MED13L: variants seen among roughly 807,000 people sequenced by gnomAD.
The protein encoded by MED13L is mediator of RNA polymerase II transcription subunit 13-like.
Under a neutral mutation model 220.9 loss-of-function variants are expected in MED13L, and 7 were observed. The observed-to-expected ratio is 0.03, with a 90% CI of 0.02 to 0.06. The LOEUF (loss-of-function observed/expected upper bound fraction) is 0.06. MED13L is among the 10% of genes least tolerant of loss of function. MED13L has a pLI of 1.00. For synonymous variants in MED13L, 1,011 were observed against 1,015.2 expected, an observed-to-expected ratio of 1.00 and a Z score of 0.08; for missense variants, 1,965 against 2,760.5, an observed-to-expected ratio of 0.71 and a Z score of 6.46.
At chr12:116,202,408 A>G (rs1882057829) in intron 2 of MED13L, among the ~76,000 whole-genome samples, 1 of 152,188 alleles carries the variant, frequency 6.6e-6, no homozygotes, top group South Asian at 2.1e-4. Context: ...TTAAAAGATA[A>G]AGAAAAACAC....
chr12:116,083,409 A>G (rs1871367517), intron 4 of MED13L, among the ~76,000 whole-genome samples: 1 of 150,238 alleles, frequency 6.7e-6, no homozygotes, highest in African/African-American at 2.5e-5. Flanking sequence ...CGAGGGAAAA[A>G]AAAAAAAAAA....
At chr12:116,202,765 G>A (rs1019710929) in intron 2 of MED13L, among the ~76,000 whole-genome samples, 9 of 152,142 alleles carry the variant, frequency 5.9e-5, no homozygotes, top group African/African-American at 1.4e-4. Context: ...GGTTCTTCAC[G>A]GTCAGCGTCT....
At chr12:116,123,771 T>G (rs749189989) in intron 2 of MED13L, among the ~76,000 whole-genome samples, 29 of 152,202 alleles carry the variant, frequency 1.9e-4, no homozygotes, top group Non-Finnish European at 3.8e-4. Context: ...TTTCTGTTCT[T>G]GCTACAATAA....
chr12:116,232,111 A>G, intron 2 of MED13L: 3 of 985,404 alleles, frequency 3.0e-6, no homozygotes, highest in Non-Finnish European at 3.6e-6. Context: ...TCTTATGTCT[A>G]ATGTTTTTAC....
chr12:116,198,738 A>G (rs1881812818), intron 2 of MED13L, among the ~76,000 whole-genome samples: 1 of 19,062 alleles, frequency 5.2e-5, no homozygotes, highest in Admixed American at 5.8e-4. Context: ...GATCCAAGAA[A>G]TTCCTCTTAC....
intron 1 of MED13L, among the ~76,000 whole-genome samples, chr12:116,250,358 T>A (rs924912860): frequency 6.8e-6 from 1 of 146,890 alleles, no homozygotes; most frequent in African/African-American, 2.5e-5. Flanking sequence ...ACTAGAATAA[T>A]TTTTTTTTTT....
chr12:116,160,704 C>T (rs1054210722), intron 2 of MED13L, among the ~76,000 whole-genome samples: 1 of 151,940 alleles, frequency 6.6e-6, no homozygotes, highest in South Asian at 2.1e-4. Flanking sequence ...TCCTGAGTAG[C>T]GGGACTGCAG....
At chr12:116,106,858 GAA>G (rs537402839) in intron 3 of MED13L, among the ~76,000 whole-genome samples, 1 of 141,400 alleles carries the variant, frequency 7.1e-6, no homozygotes, top group Non-Finnish European at 1.6e-5. Flanking sequence ...AAAAAAAAGG[GAA>G]AAAAAAAAAA....
At chr12:116,191,041 G>C (rs1016592256) in intron 2 of MED13L, among the ~76,000 whole-genome samples, 1 of 149,870 alleles carries the variant, frequency 6.7e-6, no homozygotes, top group Non-Finnish European at 1.5e-5. Context: ...GCAGTGAGCA[G>C]AGGTTGCACA....
At chr12:115,973,672 A>T (rs1054587500) in intron 25 of MED13L, among the ~76,000 whole-genome samples, 2 of 152,186 alleles carry the variant, frequency 1.3e-5, no homozygotes, top group African/African-American at 4.8e-5. Flanking sequence ...AATAAGATTG[A>T]CTAAAAAAGC....
intron 2 of MED13L, among the ~76,000 whole-genome samples, chr12:116,203,677 G>A (rs1042658061): frequency 2.0e-5 from 3 of 151,906 alleles, no homozygotes; most frequent in Non-Finnish European, 2.9e-5. Flanking sequence ...AAAATTATCC[G>A]GGCATGGTGG....
At chr12:116,148,050 T>TAAAAAAAAAAAAAAAAAAAAAAAAAAAAA in intron 2 of MED13L, among the ~76,000 whole-genome samples, 1 of 13,356 alleles carries the variant, frequency 7.5e-5, no homozygotes, top group South Asian at 2.6e-3. Context: ...AGACCCCATC[T>TAAAAAAAAAAAAAAAAAAAAAAAAAAAAA]CAAAAAAAAA....
Position 116,122,713 on chromosome 12 carries a change from T to C in MED13L, c.311-11201A>G, listed in dbSNP as rs557178757. ...GATTCAAAATTTTAACAGTGTACTA[T>C]CTTCCTAAGGAATCAGCATGGGTTC... On this transcript the variant is annotated intron_variant, in intron 2 of 30. Transcript: ENST00000281928. 6.6e-5 allele frequency among the ~76,000 whole-genome samples: 10 copies of C among 152,330 alleles called. 4 individuals carry two copies. Among genetic ancestry groups the C allele is most frequent in the African/African-American group, 2.4e-4 (10 of 41,582 alleles).
At chr12:115,979,536 G>C (rs903085572) in intron 23 of MED13L, among the ~76,000 whole-genome samples, 3 of 152,214 alleles carry the variant, frequency 2.0e-5, no homozygotes, top group Non-Finnish European at 2.9e-5. Context: ...TGGCTGAGCA[G>C]CTTTTCTCCC....
At chr12:116,044,011 C>T (rs1269367855) in intron 4 of MED13L, among the ~76,000 whole-genome samples, 1 of 152,166 alleles carries the variant, frequency 6.6e-6, no homozygotes, top group African/African-American at 2.4e-5. Flanking sequence ...AGAATATTTT[C>T]TCTAAACAAA....
intron 3 of MED13L, among the ~76,000 whole-genome samples, chr12:116,106,124 T>C (rs866130659): frequency 4.6e-5 from 7 of 152,240 alleles, no homozygotes; most frequent in Middle Eastern, 3.4e-3. Flanking sequence ...TAAACTTCTA[T>C]TGGATGAGCT....
chr12:116,119,343 A>G (rs1488388851), intron 2 of MED13L, among the ~76,000 whole-genome samples: 2 of 152,130 alleles, frequency 1.3e-5, no homozygotes, highest in African/African-American at 2.4e-5. Flanking sequence ...TTTTGGTGCT[A>G]AAGTAGCAGA....
At chr12:116,022,316 C>T in intron 5 of MED13L, 140 bp downstream of exon 5, 1 of 1,009,750 alleles carries the variant, frequency 9.9e-7, no homozygotes, top group Non-Finnish European at 1.5e-6. Context: ...GTCTTTTCTT[C>T]CTTCTTCAAA....
At chr12:116,200,646 C>T (rs963077284) in intron 2 of MED13L, among the ~76,000 whole-genome samples, 12 of 152,136 alleles carry the variant, frequency 7.9e-5, no homozygotes, top group African/African-American at 2.4e-4. Context: ...ATAATCAAAG[C>T]GTTCTGGTGC....
Sources: allele counts gnomAD v4.1 joint callset (sites outside exome capture counted in the v4.1 genomes callset), GRCh38; gene constraint gnomAD v4.1.1; transcripts MANE v1.5; gene names NCBI Gene and HGNC (gene_info 2026-07-23, HGNC 2026-07-21).